GUCY1A2: variants seen among roughly 807,000 people sequenced by gnomAD.
GUCY1A2 encodes the protein guanylate cyclase soluble subunit alpha-2.
GUCY1A2 carries 27 observed loss-of-function variants against 63.5 expected under a neutral mutation model. That is an observed-to-expected ratio of 0.43 (90% CI 0.31 to 0.59). The LOEUF (loss-of-function observed/expected upper bound fraction) is 0.59, where lower values mean the gene tolerates loss of function less well. Ranked by LOEUF, GUCY1A2 falls within the 20% of genes least tolerant of loss-of-function variation. The pLI is 0.11. For missense variants in GUCY1A2, 768 were observed against 913.3 expected (o/e 0.84, Z 2.05); for synonymous variants, 364 against 343.5 (o/e 1.06, Z -0.66).
At chr11:106,969,981 T>A (rs1412995236) in intron 3 of GUCY1A2, among the ~76,000 whole-genome samples, 1 of 152,216 alleles carries the variant, frequency 6.6e-6, no homozygotes, top group Non-Finnish European at 1.5e-5. Context: ...AGATTTTAAA[T>A]GGCAGTAATA....
chr11:106,806,135 T>A (rs535462475), intron 5 of GUCY1A2, among the ~76,000 whole-genome samples: 1 of 152,216 alleles, frequency 6.6e-6, no homozygotes, highest in Admixed American at 6.5e-5. Flanking sequence ...CATCCCTGTA[T>A]GTCTAGATAG....
chr11:107,017,626 G>A (rs940719065), intron 1 of GUCY1A2, 127 bp downstream of exon 1: 1 of 436,744 alleles, frequency 2.3e-6, no homozygotes, highest in Non-Finnish European at 3.8e-6. Flanking sequence ...CCTAGGCCGT[G>A]CAGGGTAAGG....
At chr11:106,897,751 T>A (rs1490326859) in intron 4 of GUCY1A2, among the ~76,000 whole-genome samples, 2 of 151,444 alleles carry the variant, frequency 1.3e-5, no homozygotes, top group Non-Finnish European at 2.9e-5. Context: ...AACTATAAAA[T>A]TCCTGGAAGA....
In GUCY1A2 at chr11:106,676,598, A is replaced by G. The variant is rs888103760; in HGVS notation, c.*10951T>C. The G allele has an allele frequency of 1.1e-5, 2 of 187,764 alleles. No homozygotes were observed. The highest frequency in any genetic ancestry group is 4.7e-5 in the African/African-American group (2 of 42,786). 11.6% of individuals were successfully genotyped at this position (187,764 alleles called of 1,614,324 possible). A position where few individuals can be genotyped will look rare whatever the true frequency, so the allele number is the denominator to read the frequency against. The stretch of plus-strand genomic sequence containing the variant: ...CAATAAGAACTCAAAACATCATACT[A>G]TGCCAAGCTGAATTACAGAAGGGTA... On this transcript the variant is annotated 3_prime_UTR_variant, in exon 8 of 8. Transcript: ENST00000526355.
chr11:106,870,937 C>T (rs938520039), intron 4 of GUCY1A2, among the ~76,000 whole-genome samples: 1 of 152,142 alleles, frequency 6.6e-6, no homozygotes, highest in Non-Finnish European at 1.5e-5. Context: ...CTACAGGTAT[C>T]CTATTTCATT....
chr11:106,934,408 G>T (rs1285347565), intron 4 of GUCY1A2, among the ~76,000 whole-genome samples: 1 of 152,172 alleles, frequency 6.6e-6, no homozygotes, highest in Non-Finnish European at 1.5e-5. Context: ...AATTAAGGTT[G>T]AAGTCAAATA....
At chr11:106,880,591 A>G (rs1859810452) in intron 4 of GUCY1A2, among the ~76,000 whole-genome samples, 1 of 152,102 alleles carries the variant, frequency 6.6e-6, no homozygotes, top group Non-Finnish European at 1.5e-5. Flanking sequence ...AACAATAAAC[A>G]ATCTAATTTC....
chr11:106,896,252 C>T (rs552802779), intron 4 of GUCY1A2, among the ~76,000 whole-genome samples: 1 of 152,052 alleles, frequency 6.6e-6, no homozygotes, highest in East Asian at 1.9e-4. Flanking sequence ...GCATAAAAAG[C>T]ATCTGACAAA....
chr11:106,774,234 G>A (rs965204835), intron 6 of GUCY1A2, among the ~76,000 whole-genome samples: 6 of 151,752 alleles, frequency 4.0e-5, no homozygotes, highest in East Asian at 1.9e-4. Flanking sequence ...CCGGGTTCAC[G>A]CCATTCTCTG....
intron 4 of GUCY1A2, among the ~76,000 whole-genome samples, chr11:106,933,475 G>A (rs1398033728): frequency 6.6e-6 from 1 of 152,148 alleles, no homozygotes. Flanking sequence ...GGAGAAAAGG[G>A]AACACTTATA....
At chr11:106,809,062 T>C (rs1858730516) in intron 5 of GUCY1A2, among the ~76,000 whole-genome samples, 1 of 152,058 alleles carries the variant, frequency 6.6e-6, no homozygotes, top group African/African-American at 2.4e-5. Flanking sequence ...AAGACACACC[T>C]TCATAAAAAC....
At chr11:106,806,104 CAAACAT>C (rs552935458) in intron 5 of GUCY1A2, among the ~76,000 whole-genome samples, 2 of 152,060 alleles carry the variant, frequency 1.3e-5, no homozygotes, top group Non-Finnish European at 1.5e-5. Flanking sequence ...TACACACACA[CAAACAT>C]AATCACATAA....
At chr11:106,798,015 A>G (rs1422838414) in intron 5 of GUCY1A2, among the ~76,000 whole-genome samples, 1 of 152,140 alleles carries the variant, frequency 6.6e-6, no homozygotes, top group Admixed American at 6.6e-5. Context: ...TTGATAGACC[A>G]CACAGCAAGA....
intron 6 of GUCY1A2, among the ~76,000 whole-genome samples, chr11:106,742,643 A>G (rs1863714976): frequency 1.3e-5 from 2 of 152,328 alleles, no homozygotes; most frequent in Middle Eastern, 3.4e-3. Flanking sequence ...TAGTACTGCA[A>G]TGAACATGTG....
Position 106,978,625 on chromosome 11 carries a change from T to C in GUCY1A2, c.481A>G (p.Ile161Val). 6.6e-7 allele frequency: 1 copy of C among 1,519,088 alleles called. No homozygotes were observed. The highest frequency in any genetic ancestry group is 9.1e-7 in the Non-Finnish European group (1 of 1,096,672). The allele number at this position is 1,519,088 out of a possible 1,614,324, so 94.1% of individuals were successfully genotyped here. A position where few individuals can be genotyped will look rare whatever the true frequency, so the allele number is the denominator to read the frequency against. ...VSGILQCTAN[I>V]LGLKFEEIQK... ...ATATATATAGTTAATATACCGAGTA[T>C]ATTAGCAGTACACTGAAGAATTCCT... Residue 161 changes from isoleucine (I) to valine (V), a missense_variant, in exon 3 of 8, where the codon ATA (isoleucine) becomes GTA (valine). This residue lies in a region of GUCY1A2 where 496 missense variants were observed against 486.9 expected (regional missense o/e 1.02). Coordinates refer to ENST00000526355, the MANE Select transcript of GUCY1A2 (RefSeq NM_000855.3).
At chr11:106,724,725 A>G (rs1863374726) in intron 6 of GUCY1A2, among the ~76,000 whole-genome samples, 1 of 152,194 alleles carries the variant, frequency 6.6e-6, no homozygotes, top group Non-Finnish European at 1.5e-5. Flanking sequence ...CAGCTTTCAT[A>G]TCTCTATGTG....
chr11:106,979,207 G>A (rs954124757), intron 2 of GUCY1A2, among the ~76,000 whole-genome samples: 1 of 152,162 alleles, frequency 6.6e-6, no homozygotes, highest in Non-Finnish European at 1.5e-5. Flanking sequence ...TGTAATCCTA[G>A]CACTTTGGGA....
intron 3 of GUCY1A2, among the ~76,000 whole-genome samples, chr11:106,960,257 G>C (rs919061115): frequency 1.3e-5 from 2 of 151,982 alleles, no homozygotes; most frequent in African/African-American, 4.8e-5. Flanking sequence ...TCAGGTATGG[G>C]CAATTACTAA....
intron 1 of GUCY1A2, among the ~76,000 whole-genome samples, chr11:107,008,621 G>A (rs1244622517): frequency 6.6e-6 from 1 of 152,110 alleles, no homozygotes; most frequent in African/African-American, 2.4e-5. Context: ...CAGATACTCT[G>A]CTAGGCATGC....
Sources: allele counts gnomAD v4.1 joint callset (sites outside exome capture counted in the v4.1 genomes callset), GRCh38; gene constraint gnomAD v4.1.1; regional missense constraint gnomAD v4.1.1; transcripts MANE v1.5; gene names NCBI Gene and HGNC (gene_info 2026-07-23, HGNC 2026-07-21).